DRAM2: variants seen among roughly 807,000 people sequenced by gnomAD.
The protein encoded by DRAM2 is DNA damage-regulated autophagy modulator protein 2.
In DRAM2, 26 loss-of-function variants were observed where a neutral mutation model predicts 33.5. The ratio of observed to expected loss-of-function variants is 0.78; its 90% CI spans 0.57 to 1.08. The LOEUF is 1.08. Among genes scored for constraint, DRAM2 ranks in the 50% least tolerant of loss-of-function variants. The pLI is 0.00. For synonymous variants in DRAM2, 98 were observed against 109.5 expected (o/e 0.89, Z 0.66); for missense variants, 311 against 318.1 (o/e 0.98, Z 0.17).
intron 8 of DRAM2, among the ~76,000 whole-genome samples, chr1:111,119,369 C>T (rs1269564464): frequency 6.6e-6 from 1 of 151,928 alleles, no homozygotes; most frequent in African/African-American, 2.4e-5. Flanking sequence ...TTATATAAAA[C>T]ACCACCAAGT....
At chr1:111,120,065 C>A (rs1649678025) in intron 7 of DRAM2, 106 bp from the exon 8 acceptor site, 10 of 973,668 alleles carry the variant, frequency 1.0e-5, no homozygotes, top group Non-Finnish European at 1.1e-5. Context: ...AAGGTCTAAA[C>A]CCATTTTCTT....
Position 111,118,112 on chromosome 1 carries a change from C to A in DRAM2, c.*48G>T. ...AATAAGCAACTTCTGTGAACCTTTC[C>A]CCAATCCCTGAGAATCATAATCATT... On this transcript the variant is annotated 3_prime_UTR_variant, in exon 10 of 10. Coordinates refer to ENST00000484310, the MANE Select transcript of DRAM2 (RefSeq NM_001349884.2). 1 of 1,574,512 alleles carries A rather than the reference C, an allele frequency of 6.4e-7. No homozygotes were observed. The highest frequency in any genetic ancestry group is 8.7e-7 in the Non-Finnish European group (1 of 1,145,012).
intron 4 of DRAM2, 99 bp downstream of exon 4, chr1:111,131,325 A>C: frequency 7.6e-7 from 1 of 1,321,516 alleles, no homozygotes; most frequent in South Asian, 1.6e-5. Context: ...GCCAATGTAA[A>C]ATCTGATTTT....
At chr1:111,118,775 C>G (rs1490414003) in intron 9 of DRAM2, 30 bp downstream of exon 9, 1 of 1,540,094 alleles carries the variant, frequency 6.5e-7, no homozygotes, top group Admixed American at 1.8e-5. Context: ...GGAAGTCTGA[C>G]TGAATAAATC....
intron 5 of DRAM2, chr1:111,125,424 C>T (rs1650825510): frequency 6.6e-6 from 1 of 152,380 alleles, no homozygotes; most frequent in Admixed American, 6.5e-5. Flanking sequence ...TACAACTTGG[C>T]TCAGTAAGAC....
intron 6 of DRAM2, among the ~76,000 whole-genome samples, chr1:111,121,995 T>G (rs1650139301): frequency 6.6e-6 from 1 of 152,096 alleles, no homozygotes; most frequent in African/African-American, 2.4e-5. Flanking sequence ...TTGTCCTATT[T>G]AAGGAGCACA....
rs1337533843 is a variant in DRAM2 at position 111,126,129 on chromosome 1, A to T, written c.199+98T>A. 5.3e-6 allele frequency: 4 copies of T among 751,926 alleles called. No homozygotes were observed. The South Asian group carries it at 6.5e-5, about 12-fold the overall frequency. The allele number at this position is 751,926 out of a possible 1,614,324, so 46.6% of individuals were successfully genotyped here. A position where few individuals can be genotyped will look rare whatever the true frequency, so the allele number is the denominator to read the frequency against. The stretch of plus-strand genomic sequence containing the variant: ...ATTTAGTGATAACATACTCTCAAGT[A>T]TAACTAGAAAGTAAAACAAGTAACA... On this transcript the variant is annotated intron_variant, in intron 5 of 9. Coordinates refer to ENST00000484310, the MANE Select transcript of DRAM2 (RefSeq NM_001349884.2).
At chr1:111,118,972 AAC>A in intron 8 of DRAM2, 75 bp from the exon 9 acceptor site, 1 of 963,244 alleles carries the variant, frequency 1.0e-6, no homozygotes, top group South Asian at 2.2e-5. Flanking sequence ...TCAAATAAAA[AAC>A]ACACAATTCT....
In DRAM2 at chr1:111,118,903, T is replaced by C. The variant is rs1230479023; in HGVS notation, c.601-6A>G. The C allele has an allele frequency of 6.3e-7, 1 of 1,589,474 alleles. No individual in the cohort carries two copies. On this transcript the variant is annotated splice_polypyrimidine_tract_variant and splice_region_variant and intron_variant, in intron 8 of 9. Coordinates refer to ENST00000484310, the MANE Select transcript of DRAM2 (RefSeq NM_001349884.2). ...ATCATGTGAAGCACATAACCCTGAG[T>C]GATGGGAAAAAAAGAATAGTTTTGT...
At chr1:111,119,704 G>A (rs1649589109) in intron 8 of DRAM2, 173 bp downstream of exon 8, 1 of 591,860 alleles carries the variant, frequency 1.7e-6, no homozygotes, top group Non-Finnish European at 3.0e-6. Flanking sequence ...GGTGACAGGA[G>A]AATATGGAAG....
intron 3 of DRAM2, among the ~76,000 whole-genome samples, chr1:111,136,433 C>T (rs1653165548): frequency 6.6e-6 from 1 of 151,786 alleles, no homozygotes; most frequent in African/African-American, 2.4e-5. Context: ...GGCATGGTGG[C>T]GTGCGCCTGT....
chr1:111,136,516 C>CAG (rs1653200186), intron 3 of DRAM2, among the ~76,000 whole-genome samples: 1 of 151,840 alleles, frequency 6.6e-6, no homozygotes, highest in Admixed American at 6.6e-5. Context: ...CCCAGGGAGG[C>CAG]AGAGGTTGCA....
intron 4 of DRAM2, among the ~76,000 whole-genome samples, chr1:111,129,957 G>T (rs939031427): frequency 6.6e-6 from 1 of 152,026 alleles, no homozygotes; most frequent in African/African-American, 2.4e-5. Context: ...GTCAGGAAGG[G>T]ATTTTTGCTT....
intron 3 of DRAM2, among the ~76,000 whole-genome samples, chr1:111,136,443 T>C (rs1007790131): frequency 6.6e-6 from 1 of 151,944 alleles, no homozygotes; most frequent in Non-Finnish European, 1.5e-5. Context: ...CGTGCGCCTG[T>C]AATTCCAGCT....
chr1:111,129,426 A>C (rs967991877), intron 4 of DRAM2, among the ~76,000 whole-genome samples: 1 of 152,104 alleles, frequency 6.6e-6, no homozygotes, highest in African/African-American at 2.4e-5. Context: ...ATCATATTTA[A>C]TAATAACGTT....
At chr1:111,130,303 AC>A (rs141638164) in intron 4 of DRAM2, among the ~76,000 whole-genome samples, 1,975 of 152,156 alleles carry the variant, frequency 0.013, 43 homozygotes, top group African/African-American at 0.044. Context: ...AAATAACTTG[AC>A]CTCCCTGGAC....
chr1:111,130,646 G>GCCGA (rs1013309962), intron 4 of DRAM2, among the ~76,000 whole-genome samples: 2 of 151,178 alleles, frequency 1.3e-5, no homozygotes, highest in Non-Finnish European at 2.9e-5. Context: ...GTTGCAGTGA[G>GCCGA]CCGAGATTGT....
rs1183216659 is a variant in DRAM2 at position 111,119,907 on chromosome 1, T to C, written c.570A>G (p.Glu190=). ...CCTCGGGGTTCCAATGGAGTTTCTG[T>C]TCTAAATCAGTCCCAAAATTGCCAC... The part of the protein sequence containing the change: ...LHSGNFGTDL[E]QKLHWNPEDK... The change falls in exon 8 of 10, where the codon GAA becomes GAG. Residue 190 remains glutamate, a synonymous_variant. Transcript: ENST00000484310. 1 of 1,612,932 alleles carries C rather than the reference T, an allele frequency of 6.2e-7. No individual in the cohort carries two copies. The highest frequency in any genetic ancestry group is 8.5e-7 in the Non-Finnish European group (1 of 1,179,178).
intron 8 of DRAM2, 46 bp from the exon 9 acceptor site, chr1:111,118,943 A>T (rs1382937647): frequency 7.4e-7 from 1 of 1,347,504 alleles, no homozygotes. Context: ...TTTCATTTAA[A>T]CGATCTATAT....
Sources: allele counts gnomAD v4.1 joint callset (sites outside exome capture counted in the v4.1 genomes callset), GRCh38; gene constraint gnomAD v4.1.1; transcripts MANE v1.5; gene names NCBI Gene and HGNC (gene_info 2026-07-23, HGNC 2026-07-21).